The following MXRA5 variants were observed in gnomAD, a reference collection of about 807,000 sequenced individuals.
MXRA5 encodes matrix-remodeling-associated protein 5.
Under a neutral mutation model 112.5 loss-of-function variants are expected in MXRA5, and 41 were observed. The observed-to-expected ratio is 0.36, with a 90% CI of 0.28 to 0.47. The LOEUF (loss-of-function observed/expected upper bound fraction) is 0.47. Ranked by LOEUF, MXRA5 falls within the 20% of genes least tolerant of loss-of-function variation. The probability of loss-of-function intolerance (pLI) is 0.99; values close to 1 mark genes in which losing one functional copy is unlikely to be tolerated. For missense variants in MXRA5, 2,150 were observed against 2,251.0 expected (o/e 0.96, Z 0.91); for synonymous variants, 862 against 900.8 (o/e 0.96, Z 0.77).
In MXRA5 at chrX:3,321,176, C is replaced by T. The variant is rs991212918; in HGVS notation, c.4509G>A (p.Leu1503=). Residue 1503 remains leucine, a synonymous_variant, in exon 5 of 7, where the codon TTG becomes TTA. Transcript: ENST00000217939. ...SSSPSTILMS[L]GQTTTTKPAL... ...CTGGCTTAGTGGTGGTGGTTTGTCC[C>T]AAAGACATGAGAATTGTGGATGGGG... is the stretch of plus-strand genomic sequence containing the variant. 2 of 1,209,871 alleles carry T rather than the reference C, an allele frequency of 1.7e-6. No homozygotes were observed.
Position 3,310,093 on chromosome X carries a change from A to G in MXRA5, c.8110T>C (p.Phe2704Leu), listed in dbSNP as rs1210553037. 1 of 1,211,208 alleles carries G rather than the reference A, an allele frequency of 8.3e-7. No individual in the cohort carries two copies. Among genetic ancestry groups the G allele is most frequent in the South Asian group, 1.8e-5 (1 of 56,913 alleles). ...CTGCATACATAGGTACCCCTGTCAA[A>G]CACCGAGGCCTCACGAACCGTGAGG... ...GTLTVREASV[F>L]DRGTYVCRME... The change falls in exon 7 of 7, where the codon TTT (phenylalanine) becomes CTT (leucine). Residue 2704 changes from phenylalanine (F) to leucine (L), a missense_variant. Around this residue, in one of 6 missense-constraint regions of MXRA5, gnomAD observed 178 missense variants for 198.2 expected, o/e 0.90. Transcript: ENST00000217939.
chrX:3,332,517 T>G (rs1280232526), intron 2 of MXRA5, among the ~76,000 whole-genome samples: 1 of 111,103 alleles, frequency 9.0e-6, no homozygotes, highest in African/African-American at 3.3e-5. Context: ...GTGCTGGGAT[T>G]ACAGGCGTGA....
In MXRA5 at chrX:3,324,174, T is replaced by C; in HGVS notation, c.1511A>G (p.Lys504Arg). The change falls in exon 5 of 7, where the codon AAA (lysine) becomes AGA (arginine). Residue 504 changes from lysine (K) to arginine (R), a missense_variant. Lys to Arg is a conservative substitution (Grantham distance 26). Around this residue, in one of 6 missense-constraint regions of MXRA5, gnomAD observed 386 missense variants for 411.0 expected, o/e 0.94. Coordinates refer to ENST00000217939, the MANE Select transcript of MXRA5 (RefSeq NM_015419.4). ...GAAGATAGATGGACTCTCAGAAGCT[T>C]TCACGTTGCAGCTCAACTGGCATGG... Reference protein sequence around the residue: ...GGPCQLSCNVKASESPSIFWV... With the variant: ...GGPCQLSCNVRASESPSIFWV... 4 of 1,211,397 alleles carry C rather than the reference T, an allele frequency of 3.3e-6. No individual in the cohort carries two copies. Among genetic ancestry groups the C allele is most frequent in the Non-Finnish European group, 4.5e-6 (4 of 895,422 alleles).
At position 3,311,199 on chromosome X, in the gene MXRA5, A is replaced by G. The variant is rs753795134; in HGVS notation, c.7004T>C (p.Met2335Thr). The stretch of plus-strand genomic sequence containing the variant: ...TGTCACCACCTTGACTCTGACTCTC[A>G]TCTCGTCCTTCCCGACCTGATTTTC... ...FAENQVGKDE[M>T]RVRVKVVTAP... Residue 2335 changes from methionine (M) to threonine (T), a missense_variant, in exon 7 of 7, where the codon ATG (methionine) becomes ACG (threonine). By Grantham distance (81) the Met-to-Thr change is moderately conservative (BLOSUM62 -1). Transcript: ENST00000217939. 1 of 1,211,291 alleles carries G rather than the reference A, an allele frequency of 8.3e-7. No individual in the cohort carries two copies.
rs1190336520 is a variant in MXRA5, at chrX:3,319,989, A to C, written c.5677+19T>G. The C allele has an allele frequency of 9.0e-7, 1 of 1,110,072 alleles. No homozygotes were observed. Among genetic ancestry groups the C allele is most frequent in the Non-Finnish European group, 1.2e-6 (1 of 830,978 alleles). 91.5% of individuals were successfully genotyped at this position (1,110,072 alleles called of 1,213,427 possible). On this transcript the variant is annotated intron_variant, in intron 5 of 6. Coordinates refer to ENST00000217939, the MANE Select transcript of MXRA5 (RefSeq NM_015419.4). Reference sequence around the variant, plus strand: ...AAAATTGACCAAAAAAAAAAAAAGTAGATGCTTAAACATCTTACCTGTGGA... The same window carrying C: ...AAAATTGACCAAAAAAAAAAAAAGTCGATGCTTAAACATCTTACCTGTGGA...
At chrX:3,327,320 T>A (rs1014880893) in intron 4 of MXRA5, among the ~76,000 whole-genome samples, 7 of 111,752 alleles carry the variant, frequency 6.3e-5, no homozygotes, top group African/African-American at 2.3e-4. Context: ...ATACTCACAC[T>A]CACACTCATA....
In MXRA5 at chrX:3,346,556, G is replaced by A. The variant is rs926590836; in HGVS notation, c.-70C>T. On this transcript the variant is annotated 5_prime_UTR_variant, in exon 1 of 7. Coordinates refer to ENST00000217939, the MANE Select transcript of MXRA5 (RefSeq NM_015419.4). Reference sequence around the variant, plus strand: ...GCCGCACACGGGAGCGGTGCGCCGGGAGCATCCACCGAGCCGGGGCGCGCG... The same window carrying A: ...GCCGCACACGGGAGCGGTGCGCCGGAAGCATCCACCGAGCCGGGGCGCGCG... 17 of 753,271 alleles carry A rather than the reference G, an allele frequency of 2.3e-5. No homozygotes were observed. The African/African-American group carries it at 3.2e-4, about 14-fold the overall frequency. The allele number at this position is 753,271 out of a possible 1,213,427, so 62.1% of individuals were successfully genotyped here.
chrX:3,328,751 G>T (rs1921571832), intron 4 of MXRA5, among the ~76,000 whole-genome samples: 1 of 106,035 alleles, frequency 9.4e-6, no homozygotes, highest in Admixed American at 1.1e-4. Flanking sequence ...AGAGAAGGGG[G>T]AGAAAGGAAG....
chrX:3,325,700 A>G (rs1261241831), intron 4 of MXRA5, among the ~76,000 whole-genome samples: 1 of 90,994 alleles, frequency 1.1e-5, no homozygotes, highest in African/African-American at 3.7e-5. Flanking sequence ...AAATATATAA[A>G]CCCCTTGAAA....
Position 3,322,886 on chromosome X carries a change from C to A in MXRA5, c.2799G>T (p.Lys933Asn), listed in dbSNP as rs868518733. 1 of 1,209,294 alleles carries A rather than the reference C, an allele frequency of 8.3e-7. No individual in the cohort carries two copies. Among genetic ancestry groups the A allele is most frequent in the African/African-American group, 1.8e-5 (1 of 56,922 alleles). The change falls in exon 5 of 7, where the codon AAG becomes AAT. Residue 933 changes from lysine to asparagine, a missense_variant. Transcript: ENST00000217939. ...TLHTLDTVYE[K>N]PTHEETATEG... ...CTGTTGCCGTCTCTTCATGGGTGGG[C>A]TTTTCATAGACTGTGTCTAATGTGT...
rs1376607398 is a variant in MXRA5 at position 3,309,832 on chromosome X, G to A, written c.8371C>T (p.Pro2791Ser). 4 of 1,209,621 alleles carry A rather than the reference G, an allele frequency of 3.3e-6. No homozygotes were observed. In the African/African-American group the frequency reaches 5.3e-5, roughly 16 times the overall value. The change falls in exon 7 of 7, where the codon CCC becomes TCC. Residue 2791 changes from proline (P) to serine (S), a missense_variant. Physicochemically the swap from Pro to Ser is moderately conservative, Grantham distance 74 (BLOSUM62 -1). Coordinates refer to ENST00000217939, the MANE Select transcript of MXRA5 (RefSeq NM_015419.4). The stretch of plus-strand genomic sequence containing the variant: ...TGCTGGATGGTCAGTGATCCCTGGG[G>A]GTGAAGAAATCTGTTTCCATACAGA... ...ARLYGNRFLHPQGSLTIQHAT... is the reference protein window; with the variant it reads ...ARLYGNRFLHSQGSLTIQHAT...
intron 1 of MXRA5, among the ~76,000 whole-genome samples, chrX:3,345,633 C>T (rs1489462140): frequency 1.2e-4 from 13 of 113,012 alleles, no homozygotes; most frequent in Non-Finnish European, 1.9e-4. Context: ...GTCTCTCCGC[C>T]GCGGAGAAAG....
At chrX:3,342,813 T>C (rs1210919976) in intron 2 of MXRA5, among the ~76,000 whole-genome samples, 1 of 111,344 alleles carries the variant, frequency 9.0e-6, no homozygotes, top group Non-Finnish European at 1.9e-5. Flanking sequence ...TGGAGGAGAG[T>C]TTTTTCTTTT....
In MXRA5 at chrX:3,311,509, C is replaced by T. The variant is rs1262308671; in HGVS notation, c.6694G>A (p.Val2232Met). Residue 2232 changes from valine (V) to methionine (M), a missense_variant, in exon 7 of 7, where the codon GTG becomes ATG. Val to Met is a conservative substitution (Grantham distance 21, BLOSUM62 1). Coordinates refer to ENST00000217939, the MANE Select transcript of MXRA5 (RefSeq NM_015419.4). ...VARNKVGDDY[V>M]VLKVDVVMKP... is the part of the protein sequence containing the mutation. ...ATCACCACATCCACTTTGAGCACCA[C>T]GTAGTCATCACCAACCTTATTTCGA... 31 of 1,210,179 alleles carry T rather than the reference C, an allele frequency of 2.6e-5. No homozygotes were observed. Among genetic ancestry groups the T allele is most frequent in the South Asian group, 7.0e-5 (4 of 56,780 alleles).
intron 4 of MXRA5, among the ~76,000 whole-genome samples, chrX:3,325,241 G>T (rs1438815790): frequency 9.1e-6 from 1 of 110,443 alleles, no homozygotes; most frequent in Non-Finnish European, 1.9e-5. Flanking sequence ...TTACTAACGG[G>T]TATTTAAAAA....
At chrX:3,318,116 C>G (rs1226390005) in intron 5 of MXRA5, 113 bp from the exon 6 acceptor site, 5 of 577,657 alleles carry the variant, frequency 8.7e-6, no homozygotes, top group Non-Finnish European at 1.3e-5. Flanking sequence ...GCAGCAAAAG[C>G]AAATGTAGTA....
intron 2 of MXRA5, among the ~76,000 whole-genome samples, chrX:3,337,573 T>C (rs1921810600): frequency 8.9e-6 from 1 of 112,186 alleles, no homozygotes; most frequent in Admixed American, 9.5e-5. Context: ...TCCTATCATC[T>C]ATCAAGCATC....
intron 4 of MXRA5, among the ~76,000 whole-genome samples, chrX:3,326,731 TTCC>T (rs1208912927): frequency 9.1e-6 from 1 of 110,252 alleles, no homozygotes; most frequent in Non-Finnish European, 1.9e-5. Flanking sequence ...CAGTCACTGC[TTCC>T]TCCTCCTCCT....
chrX:3,318,569 C>G (rs1460732510), intron 5 of MXRA5, among the ~76,000 whole-genome samples: 1 of 112,380 alleles, frequency 8.9e-6, no homozygotes, highest in Non-Finnish European at 1.9e-5. Flanking sequence ...AAAGGGCACC[C>G]TCGTACACTG....
Sources: allele counts gnomAD v4.1 joint callset (sites outside exome capture counted in the v4.1 genomes callset), GRCh38; gene constraint gnomAD v4.1.1; regional missense constraint gnomAD v4.1.1; transcripts MANE v1.5; gene names NCBI Gene and HGNC (gene_info 2026-07-23, HGNC 2026-07-21).